The following ULK4 variants were observed in gnomAD, a reference collection of about 807,000 sequenced individuals.
The protein encoded by ULK4 is inactive serine/threonine-protein kinase ULK4.
Under a neutral mutation model 160.6 loss-of-function variants are expected in ULK4, and 133 were observed. The observed-to-expected ratio is 0.83, with a 90% CI of 0.72 to 0.96. ULK4 has a LOEUF of 0.96. Among genes scored for constraint, ULK4 ranks in the 40% least tolerant of loss-of-function variants. The probability of loss-of-function intolerance (pLI) is 0.00; values close to 1 mark genes in which losing one functional copy is unlikely to be tolerated. For synonymous variants in ULK4, 534 were observed against 539.8 expected (o/e 0.99, Z 0.15); for missense variants, 1,580 against 1,499.5 (o/e 1.05, Z -0.89).
Position 41,754,442 on chromosome 3 carries a change from C to A in ULK4, c.2240G>T (p.Cys747Phe), listed in dbSNP as rs1046575233. The A allele has an allele frequency of 1.2e-6, 2 of 1,613,590 alleles. No individual in the cohort carries two copies. Among genetic ancestry groups the A allele is most frequent in the Admixed American group, 1.7e-5 (1 of 59,964 alleles). ...AACCAGGAAGGCTTTTGCTCTAATG[C>A]ATGTTGAGGGGCTGTCAAGTAAACG... Reference protein sequence around the residue: ...IIRLLDSPSTCIRAKAFLVLL... With the variant: ...IIRLLDSPSTFIRAKAFLVLL... Residue 747 changes from cysteine to phenylalanine, a missense_variant, in exon 22 of 37, where the codon TGC (cysteine) becomes TTC (phenylalanine). Transcript: ENST00000301831.
At chr3:41,881,171 G>C (rs1697502751) in intron 17 of ULK4, among the ~76,000 whole-genome samples, 2 of 151,560 alleles carry the variant, frequency 1.3e-5, no homozygotes, top group South Asian at 2.1e-4. Context: ...TCATGTGCTA[G>C]GTGTTGACTT....
At chr3:41,849,855 C>A (rs1284319678) in intron 17 of ULK4, among the ~76,000 whole-genome samples, 2 of 152,116 alleles carry the variant, frequency 1.3e-5, no homozygotes, top group Non-Finnish European at 1.5e-5. Context: ...GGTACATGTA[C>A]ACAACGTGCA....
At chr3:41,466,691 G>T (rs2083844367) in intron 32 of ULK4, among the ~76,000 whole-genome samples, 1 of 151,878 alleles carries the variant, frequency 6.6e-6, no homozygotes, top group African/African-American at 2.4e-5. Context: ...CAAATCAAAA[G>T]ATATTATTAA....
intron 21 of ULK4, among the ~76,000 whole-genome samples, chr3:41,785,134 T>C (rs982461236): frequency 3.3e-5 from 5 of 152,140 alleles, no homozygotes; most frequent in Non-Finnish European, 7.3e-5. Flanking sequence ...CAAAGATGTA[T>C]GTAACAGGGT....
At chr3:41,408,114 G>A (rs2082330882) in intron 34 of ULK4, among the ~76,000 whole-genome samples, 1 of 149,800 alleles carries the variant, frequency 6.7e-6, no homozygotes, top group South Asian at 2.1e-4. Context: ...GGCATATTTA[G>A]GAATAAAAGT....
chr3:41,432,198 G>T (rs1050912388), intron 34 of ULK4, among the ~76,000 whole-genome samples: 1 of 152,102 alleles, frequency 6.6e-6, no homozygotes, highest in African/African-American at 2.4e-5. Flanking sequence ...AGATACTAAA[G>T]ACCAGTACTG....
chr3:41,546,295 TTC>T (rs2086860387), intron 32 of ULK4, among the ~76,000 whole-genome samples: 1 of 152,174 alleles, frequency 6.6e-6, no homozygotes, highest in Admixed American at 6.5e-5. Context: ...CTTAGTTTTA[TTC>T]TGTTAGGACA....
intron 35 of ULK4, among the ~76,000 whole-genome samples, chr3:41,305,792 C>T (rs1240763446): frequency 6.7e-6 from 1 of 149,030 alleles, no homozygotes; most frequent in East Asian, 2.0e-4. Flanking sequence ...TCTTCCCGGC[C>T]GCCATCACAT....
chr3:41,644,001 A>G (rs1222087937), intron 30 of ULK4, among the ~76,000 whole-genome samples: 5 of 151,946 alleles, frequency 3.3e-5, no homozygotes, highest in African/African-American at 1.2e-4. Flanking sequence ...TTTGTCTGTT[A>G]TTGGTGTATA....
chr3:41,552,767 A>G (rs1157531322), intron 32 of ULK4, among the ~76,000 whole-genome samples: 1 of 152,082 alleles, frequency 6.6e-6, no homozygotes, highest in African/African-American at 2.4e-5. Context: ...ATGGAACCCA[A>G]AAAGAGCCCA....
chr3:41,541,547 TG>T (rs2086695461), intron 32 of ULK4, among the ~76,000 whole-genome samples: 2 of 152,200 alleles, frequency 1.3e-5, no homozygotes, highest in African/African-American at 4.8e-5. Flanking sequence ...TAAAGTAGTT[TG>T]TTCCAATTTT....
intron 21 of ULK4, among the ~76,000 whole-genome samples, chr3:41,756,986 G>A (rs977291369): frequency 1.1e-4 from 17 of 151,984 alleles, no homozygotes; most frequent in Non-Finnish European, 2.4e-4. Flanking sequence ...CAAAATAAGC[G>A]TGAGAAATGT....
intron 1 of ULK4, among the ~76,000 whole-genome samples, 176 bp from the exon 2 acceptor site, chr3:41,954,983 C>G (rs1459658072): frequency 1.3e-5 from 2 of 152,166 alleles, no homozygotes; most frequent in Non-Finnish European, 1.5e-5. Context: ...ATGAACGAAA[C>G]TACGGGGCAA....
intron 12 of ULK4, among the ~76,000 whole-genome samples, chr3:41,906,355 T>C (rs1383305580): frequency 1.3e-5 from 2 of 152,076 alleles, no homozygotes; most frequent in Non-Finnish European, 2.9e-5. Context: ...TGGGACCCTG[T>C]CTTTACAAAC....
At chr3:41,455,168 A>G (rs1342773747) in intron 34 of ULK4, among the ~76,000 whole-genome samples, 1 of 152,136 alleles carries the variant, frequency 6.6e-6, no homozygotes, top group Non-Finnish European at 1.5e-5. Context: ...TCAAACTCTA[A>G]AATATCTTTT....
At chr3:41,818,622 A>G (rs1234744735) in intron 19 of ULK4, among the ~76,000 whole-genome samples, 1 of 152,214 alleles carries the variant, frequency 6.6e-6, no homozygotes, top group Non-Finnish European at 1.5e-5. Flanking sequence ...TTTCTTCTGG[A>G]TCACAGGGGA....
At chr3:41,576,583 G>C (rs1239263896) in intron 31 of ULK4, among the ~76,000 whole-genome samples, 1 of 152,198 alleles carries the variant, frequency 6.6e-6, no homozygotes, top group Non-Finnish European at 1.5e-5. Context: ...TCAGTGACTA[G>C]AAACTGCCTT....
intron 17 of ULK4, among the ~76,000 whole-genome samples, chr3:41,874,862 T>C (rs534280053): frequency 1.3e-5 from 2 of 152,282 alleles, no homozygotes; most frequent in African/African-American, 4.8e-5. Context: ...AAATAAAAAA[T>C]ATATATTAAA....
rs776114594 is a variant in ULK4 at position 41,415,754 on chromosome 3, C to T, written c.3493-17490G>A. 1.1e-4 allele frequency among the ~76,000 whole-genome samples: 16 copies of T among 152,266 alleles called. No individual in the cohort carries two copies. The Middle Eastern group carries it at 0.01, about 97-fold the overall frequency. On this transcript the variant is annotated intron_variant, in intron 34 of 36. Transcript: ENST00000301831. ...ACCTCTTCCTCTTCACTATTCAGAT[C>T]ACTCGTCACTCCTAGAAATGACCAT...
Sources: allele counts gnomAD v4.1 joint callset (sites outside exome capture counted in the v4.1 genomes callset), GRCh38; gene constraint gnomAD v4.1.1; transcripts MANE v1.5; gene names NCBI Gene and HGNC (gene_info 2026-07-23, HGNC 2026-07-21).